The following GARIN1A variants were observed in gnomAD, a reference collection of about 807,000 sequenced individuals.
The protein encoded by GARIN1A is golgi associated RAB2 interactor 1A.
the GARIN1A span, among the ~76,000 whole-genome samples, chr7:128,706,133 C>T: frequency 3.3e-5 from 5 of 151,872 alleles, no homozygotes; most frequent in East Asian, 7.7e-4. Context: ...TCAAACAGTC[C>T]CAAATTTGGC....
the GARIN1A span, among the ~76,000 whole-genome samples, chr7:128,707,559 T>C: frequency 1.1e-3 from 173 of 151,852 alleles, no homozygotes; most frequent in African/African-American, 4.0e-3. Flanking sequence ...CTCAATCTCC[T>C]GGCTTCAAGC....
chr7:128,676,220 C>T, the GARIN1A span, among the ~76,000 whole-genome samples: 1 of 151,876 alleles, frequency 6.6e-6, no homozygotes, highest in African/African-American at 2.4e-5. Flanking sequence ...CTGTGTTAGC[C>T]AGGATGGTCT....
chr7:128,689,706 T>C, the GARIN1A span, among the ~76,000 whole-genome samples: 3 of 135,302 alleles, frequency 2.2e-5, no homozygotes, highest in South Asian at 2.4e-4. Flanking sequence ...GTGAGGAGCG[T>C]CCCCGCCCGG....
At chr7:128,701,152 G>A in the GARIN1A span, among the ~76,000 whole-genome samples, 1 of 151,158 alleles carries the variant, frequency 6.6e-6, no homozygotes, top group Non-Finnish European at 1.5e-5. Flanking sequence ...TAAAATCCAG[G>A]TGTAAGTGGA....
chr7:128,677,636 G>T, the GARIN1A span: 2 of 1,613,684 alleles, frequency 1.2e-6, no homozygotes, highest in South Asian at 2.2e-5. Flanking sequence ...TTAGGACAGT[G>T]ACCGAAAAGA....
chr7:128,702,148 C>T, the GARIN1A span, among the ~76,000 whole-genome samples: 3 of 152,122 alleles, frequency 2.0e-5, no homozygotes, highest in East Asian at 5.8e-4. Flanking sequence ...ACCAGCTCTA[C>T]AAGAAATGTT....
At chr7:128,675,849 A>G in the GARIN1A span, 1 of 1,612,470 alleles carries the variant, frequency 6.2e-7, no homozygotes, top group Admixed American at 1.7e-5. Flanking sequence ...CCCAGTCATC[A>G]ACCTCAGCAG....
chr7:128,672,447 G>C, the GARIN1A span: 1 of 1,609,276 alleles, frequency 6.2e-7, no homozygotes, highest in Non-Finnish European at 8.5e-7. Context: ...CCAGGCCCTG[G>C]AGTGGAACTT....
chr7:128,697,836 A>G, the GARIN1A span: 1 of 152,348 alleles, frequency 6.6e-6, no homozygotes, highest in Non-Finnish European at 1.5e-5. Context: ...TTGATTCACA[A>G]TAACGCCACC....
the GARIN1A span, among the ~76,000 whole-genome samples, chr7:128,692,833 A>C: frequency 6.6e-6 from 1 of 152,170 alleles, no homozygotes; most frequent in Non-Finnish European, 1.5e-5. Flanking sequence ...TTCATTAGTG[A>C]CCTCCCAGAA....
At chr7:128,703,908 CG>C in the GARIN1A span, among the ~76,000 whole-genome samples, 3 of 152,066 alleles carry the variant, frequency 2.0e-5, no homozygotes, top group Admixed American at 6.6e-5. Context: ...AGAGGTGACT[CG>C]ACGTTGGAGG....
the GARIN1A span, among the ~76,000 whole-genome samples, chr7:128,679,252 G>C: frequency 6.6e-6 from 1 of 151,946 alleles, no homozygotes; most frequent in Non-Finnish European, 1.5e-5. Context: ...GAGTGCAGTG[G>C]TGTAATCTTG....
the GARIN1A span, among the ~76,000 whole-genome samples, chr7:128,696,910 C>A: frequency 6.6e-6 from 1 of 152,126 alleles, no homozygotes; most frequent in Admixed American, 6.5e-5. Flanking sequence ...TGAGTCTAGA[C>A]CCTAACTCCC....
At chr7:128,675,733 G>A in the GARIN1A span, 1 of 1,613,834 alleles carries the variant, frequency 6.2e-7, no homozygotes, top group Non-Finnish European at 8.5e-7. Flanking sequence ...GTGATCCTCG[G>A]GGTCACCTCC....
At chr7:128,698,747 C>T in the GARIN1A span, among the ~76,000 whole-genome samples, 1 of 152,114 alleles carries the variant, frequency 6.6e-6, no homozygotes, top group Non-Finnish European at 1.5e-5. Flanking sequence ...CCACACTTGG[C>T]TAATTTTTGT....
the GARIN1A span, among the ~76,000 whole-genome samples, chr7:128,689,449 C>T: frequency 1.3e-5 from 2 of 152,148 alleles, no homozygotes; most frequent in South Asian, 2.1e-4. Flanking sequence ...GCCGTGACCC[C>T]GACTGGGAGG....
chr7:128,699,230 A>C, the GARIN1A span, among the ~76,000 whole-genome samples: 1 of 146,690 alleles, frequency 6.8e-6, no homozygotes, highest in African/African-American at 2.5e-5. Context: ...GAACTAAAGT[A>C]ATTTTGGGGC....
the GARIN1A span, among the ~76,000 whole-genome samples, chr7:128,689,403 C>T: frequency 4.6e-4 from 70 of 151,804 alleles, no homozygotes; most frequent in African/African-American, 1.4e-3. Context: ...GGGAGCGCCT[C>T]TGCCCCGTCT....
At chr7:128,675,857 C>T in the GARIN1A span, 7 of 1,606,596 alleles carry the variant, frequency 4.4e-6, no homozygotes, top group Non-Finnish European at 5.1e-6. Context: ...TCAACCTCAG[C>T]AGGTAAAGGC....
Sources: allele counts gnomAD v4.1 joint callset (sites outside exome capture counted in the v4.1 genomes callset), GRCh38; gene constraint gnomAD v4.1.1; transcripts MANE v1.5; gene names NCBI Gene and HGNC (gene_info 2026-07-23, HGNC 2026-07-21).